Variants in CDC14A observed in about 807,000 individuals in gnomAD.
CDC14A encodes dual specificity protein phosphatase CDC14A.
A neutral mutation model predicts 74.4 loss-of-function variants in CDC14A; 53 were observed. That is an observed-to-expected ratio of 0.71 (90% CI 0.57 to 0.89). The LOEUF (loss-of-function observed/expected upper bound fraction) is 0.89, where lower values mean the gene tolerates loss of function less well. CDC14A is among the 40% of genes least tolerant of loss of function. The pLI is 0.00. For synonymous variants in CDC14A, 247 were observed against 258.4 expected (o/e 0.96, Z 0.43); for missense variants, 646 against 713.7 (o/e 0.91, Z 1.08).
chr1:100,368,717 A>AAAG (rs1653998927), intron 2 of CDC14A, among the ~76,000 whole-genome samples: 1 of 152,206 alleles, frequency 6.6e-6, no homozygotes, highest in Non-Finnish European at 1.5e-5. Flanking sequence ...CCCAATAGTT[A>AAAG]GTTTTGCAAC....
intron 4 of CDC14A, among the ~76,000 whole-genome samples, chr1:100,396,630 A>C (rs1252235057): frequency 6.6e-6 from 1 of 152,208 alleles, no homozygotes; most frequent in African/African-American, 2.4e-5. Context: ...AAATTACATC[A>C]CTACCTAGCC....
At chr1:100,365,810 G>C (rs1427087725) in intron 2 of CDC14A, among the ~76,000 whole-genome samples, 1 of 152,116 alleles carries the variant, frequency 6.6e-6, no homozygotes, top group Non-Finnish European at 1.5e-5. Flanking sequence ...TATGAGTTCA[G>C]CCATAATAAT....
At chr1:100,500,850 G>GTGTC (rs1553198845) in intron 15 of CDC14A, among the ~76,000 whole-genome samples, 9 of 119,812 alleles carry the variant, frequency 7.5e-5, no homozygotes, top group Admixed American at 9.6e-5. Context: ...GTGTGTGTGT[G>GTGTC]TGTTCATGTG....
intron 5 of CDC14A, among the ~76,000 whole-genome samples, chr1:100,432,757 A>G (rs749222705): frequency 9.9e-5 from 15 of 152,248 alleles, no homozygotes; most frequent in Admixed American, 5.2e-4. Context: ...TAATATGGTT[A>G]TAAAAAATTA....
At chr1:100,456,945 C>A (rs963474143) in intron 8 of CDC14A, among the ~76,000 whole-genome samples, 6 of 152,126 alleles carry the variant, frequency 3.9e-5, no homozygotes, top group African/African-American at 9.7e-5. Context: ...CAATAATTAA[C>A]CTCTGTCATT....
intron 8 of CDC14A, 148 bp downstream of exon 8, chr1:100,455,640 T>C: frequency 3.5e-6 from 2 of 576,082 alleles, no homozygotes; most frequent in Non-Finnish European, 3.0e-6. Context: ...AGTAATAGTG[T>C]GTTAAATATT....
At chr1:100,449,299 G>A (rs892036449) in intron 7 of CDC14A, among the ~76,000 whole-genome samples, 2 of 152,070 alleles carry the variant, frequency 1.3e-5, no homozygotes, top group African/African-American at 4.8e-5. Context: ...TTACTATCAG[G>A]GTGTAGGTTT....
chr1:100,511,250 T>C (rs114992723), intron 15 of CDC14A, among the ~76,000 whole-genome samples: 2,510 of 152,308 alleles, frequency 0.016, 64 homozygotes, highest in African/African-American at 0.058. Context: ...CTTGGCCCTG[T>C]CTTCCTCTCA....
intron 15 of CDC14A, among the ~76,000 whole-genome samples, chr1:100,501,270 A>G (rs1259775122): frequency 6.6e-6 from 1 of 152,212 alleles, no homozygotes; most frequent in Non-Finnish European, 1.5e-5. Context: ...CCGATTGTGG[A>G]TCAGCCTCTT....
chr1:100,502,143 A>G (rs1648802889), intron 15 of CDC14A, among the ~76,000 whole-genome samples: 1 of 152,192 alleles, frequency 6.6e-6, no homozygotes, highest in Admixed American at 6.5e-5. Context: ...TTTTTAATAT[A>G]GATTTAGTAT....
chr1:100,516,226 C>T (rs1039887406), intron 15 of CDC14A, among the ~76,000 whole-genome samples: 2 of 152,100 alleles, frequency 1.3e-5, no homozygotes, highest in African/African-American at 4.8e-5. Flanking sequence ...CTGTGATTCA[C>T]TAAATAAATA....
intron 2 of CDC14A, among the ~76,000 whole-genome samples, chr1:100,354,471 T>C (rs977353263): frequency 1.3e-5 from 2 of 152,252 alleles, no homozygotes; most frequent in Non-Finnish European, 2.9e-5. Flanking sequence ...ATTTATTTTC[T>C]TTGATTACTT....
intron 5 of CDC14A, among the ~76,000 whole-genome samples, chr1:100,431,217 G>A (rs1354366755): frequency 6.6e-6 from 1 of 152,112 alleles, no homozygotes; most frequent in African/African-American, 2.4e-5. Flanking sequence ...ACATGGAGGT[G>A]AGTTATATTA....
At chr1:100,358,749 A>G (rs558254210) in intron 2 of CDC14A, among the ~76,000 whole-genome samples, 1 of 152,312 alleles carries the variant, frequency 6.6e-6, no homozygotes, top group South Asian at 2.1e-4. Context: ...AGTTTTGGAT[A>G]AGTAATTTAT....
At chr1:100,391,138 G>T in intron 4 of CDC14A, 3 of 372,552 alleles carry the variant, frequency 8.1e-6, no homozygotes, top group Non-Finnish European at 1.5e-5. Context: ...GTGTGTGCAT[G>T]TGTGTATGTT....
At chr1:100,376,139 G>A (rs1013665964) in intron 2 of CDC14A, among the ~76,000 whole-genome samples, 1 of 152,042 alleles carries the variant, frequency 6.6e-6, no homozygotes, top group Admixed American at 6.6e-5. Flanking sequence ...CACACACCAG[G>A]GCCTGCCTGT....
chr1:100,442,988 C>T lies in CDC14A; in HGVS notation c.511C>T (p.His171Tyr). 2 of 1,586,694 alleles carry T rather than the reference C, an allele frequency of 1.3e-6. No homozygotes were observed. The highest frequency in any genetic ancestry group is 1.7e-6 in the Non-Finnish European group (2 of 1,156,374). Reference protein sequence around the residue: ...FETFDVDEYEHYERVENGDFN... With the variant: ...FETFDVDEYEYYERVENGDFN... Reference sequence around the variant, plus strand: ...GACATTTGATGTGGATGAATATGAACATTATGAGGTTTGTACATTTAATTT... The same window carrying T: ...GACATTTGATGTGGATGAATATGAATATTATGAGGTTTGTACATTTAATTT... Residue 171 changes from histidine (H) to tyrosine (Y), a missense_variant, in exon 7 of 16, where the codon CAT (histidine) becomes TAT (tyrosine). Transcript: ENST00000336454.
chr1:100,396,892 G>T (rs7533775), intron 4 of CDC14A, among the ~76,000 whole-genome samples: 9,955 of 152,192 alleles, frequency 0.065, 668 homozygotes, highest in African/African-American at 0.17. Context: ...TAAGTGGGGG[G>T]AGACTTTTTA....
At chr1:100,445,893 C>T (rs1665493677) in intron 7 of CDC14A, among the ~76,000 whole-genome samples, 1 of 152,094 alleles carries the variant, frequency 6.6e-6, no homozygotes, top group African/African-American at 2.4e-5. Flanking sequence ...AATAGAAAAC[C>T]ACTATTGTGA....
Sources: allele counts gnomAD v4.1 joint callset (sites outside exome capture counted in the v4.1 genomes callset), GRCh38; gene constraint gnomAD v4.1.1; transcripts MANE v1.5; gene names NCBI Gene and HGNC (gene_info 2026-07-23, HGNC 2026-07-21).